Variants in ZNF100 observed in about 807,000 individuals in gnomAD.
ZNF100 encodes the protein zinc finger protein 100 (Y1).
Under a neutral mutation model 15.8 loss-of-function variants are expected in ZNF100, and 12 were observed. The observed-to-expected ratio is 0.76, with a 90% confidence interval of 0.49 to 1.23. The LOEUF is 1.23. ZNF100 is among the 50% of genes most tolerant of loss of function. The probability of loss-of-function intolerance (pLI) is 0.00; values close to 1 mark genes in which losing one functional copy is unlikely to be tolerated. For synonymous variants in ZNF100, 226 were observed against 214.8 expected, an observed-to-expected ratio of 1.05 and a Z score of -0.45; for missense variants, 670 against 635.6, an observed-to-expected ratio of 1.05 and a Z score of -0.58.
intron 3 of ZNF100, 46 bp from the exon 4 acceptor site, chr19:21,744,161 T>C (rs2036170908): frequency 5.8e-6 from 9 of 1,540,298 alleles, no homozygotes; most frequent in Non-Finnish European, 7.9e-6. Flanking sequence ...ATTCTCCAAT[T>C]ACCAACCTAG....
intron 4 of ZNF100, among the ~76,000 whole-genome samples, chr19:21,738,423 G>C (rs2145705181): frequency 6.6e-6 from 1 of 152,086 alleles, no homozygotes; most frequent in Admixed American, 6.5e-5. Flanking sequence ...ATACTACAAG[G>C]CTGTAGTAAC....
rs1202274172 is a variant in ZNF100 at position 21,725,339 on chromosome 19, TATATA to T, written c.*1339_*1343del. 1 of 152,134 alleles carries T rather than the reference TATATA, an allele frequency of 6.6e-6. No homozygotes were observed. Among genetic ancestry groups the T allele is most frequent in the Non-Finnish European group, 1.5e-5 (1 of 68,014 alleles). 9.4% of individuals were successfully genotyped at this position (152,134 alleles called of 1,614,324 possible). Reference sequence around the variant, plus strand: ...GAAATTTAAAAAATATACTGCATTTTATATAAAAGTATTAGTAAAATATACTAATT... The same window carrying T: ...GAAATTTAAAAAATATACTGCATTTTAAAGTATTAGTAAAATATACTAATT... On this transcript the variant is annotated 3_prime_UTR_variant, in exon 5 of 5. Transcript: ENST00000358296.
At chr19:21,764,480 A>G (rs1016725566) in intron 2 of ZNF100, among the ~76,000 whole-genome samples, 1 of 152,002 alleles carries the variant, frequency 6.6e-6, no homozygotes, top group Non-Finnish European at 1.5e-5. Context: ...CGCCTCTACT[A>G]AAAGTACAAA....
At chr19:21,743,917 C>T in intron 4 of ZNF100, 100 bp downstream of exon 4, 1 of 1,168,838 alleles carries the variant, frequency 8.6e-7, no homozygotes, top group South Asian at 1.8e-5. Flanking sequence ...AAACTATTTC[C>T]TTTGGAACAT....
At chr19:21,742,248 G>A (rs761335928) in intron 4 of ZNF100, among the ~76,000 whole-genome samples, 1 of 147,284 alleles carries the variant, frequency 6.8e-6, no homozygotes, top group African/African-American at 2.5e-5. Context: ...AGTGAGCCGA[G>A]ATTGCGCTAT....
chr19:21,739,609 ATCT>A (rs1419942125), intron 4 of ZNF100, among the ~76,000 whole-genome samples: 2 of 152,218 alleles, frequency 1.3e-5, no homozygotes, highest in African/African-American at 2.4e-5. Context: ...ACTGCATGGT[ATCT>A]GACCAAAACT....
chr19:21,728,928 CA>C (rs764304913), intron 4 of ZNF100, among the ~76,000 whole-genome samples: 2 of 150,488 alleles, frequency 1.3e-5, no homozygotes, highest in Non-Finnish European at 3.0e-5. Context: ...TTTAGAATAT[CA>C]AAAAAACAAA....
intron 4 of ZNF100, among the ~76,000 whole-genome samples, chr19:21,735,947 T>A (rs35646356): frequency 1.3e-5 from 2 of 151,728 alleles, no homozygotes; most frequent in Non-Finnish European, 1.5e-5. Flanking sequence ...CGCCACCACA[T>A]TCGGCTAGTA....
intron 4 of ZNF100, among the ~76,000 whole-genome samples, chr19:21,740,495 A>AAC (rs57090477): frequency 9.3e-4 from 142 of 152,186 alleles, no homozygotes; most frequent in Middle Eastern, 3.4e-3. Context: ...GAAAAAAAAA[A>AAC]CATTCAACTG....
intron 1 of ZNF100, among the ~76,000 whole-genome samples, chr19:21,766,510 CCT>C (rs530469321): frequency 1.1e-3 from 168 of 151,716 alleles, no homozygotes; most frequent in Middle Eastern, 0.01. Flanking sequence ...TGTTAATTAA[CCT>C]CTGATTACAC....
Position 21,725,710 on chromosome 19 carries a change from GAATGC to G in ZNF100, c.*968_*972del, listed in dbSNP as rs1305377296. 1 of 149,764 alleles carries G rather than the reference GAATGC, an allele frequency of 6.7e-6. No individual in the cohort carries two copies. The highest frequency in any genetic ancestry group is 2.5e-5 in the African/African-American group (1 of 40,088). 9.3% of individuals were successfully genotyped at this position (149,764 alleles called of 1,614,324 possible). A position where few individuals can be genotyped will look rare whatever the true frequency, so the allele number is the denominator to read the frequency against. On this transcript the variant is annotated 3_prime_UTR_variant, in exon 5 of 5. Coordinates refer to ENST00000358296, the MANE Select transcript of ZNF100 (RefSeq NM_173531.4). ...TTTTTCAAAAAGTTAAGCATACTTTGAATGCAATAACTGCAAAAAATTTCTACTTT... is the reference window on the plus strand; with the variant it reads ...TTTTTCAAAAAGTTAAGCATACTTTGAATAACTGCAAAAAATTTCTACTTT...
chr19:21,730,131 A>G (rs538203597), intron 4 of ZNF100, among the ~76,000 whole-genome samples: 1 of 152,188 alleles, frequency 6.6e-6, no homozygotes, highest in East Asian at 1.9e-4. Flanking sequence ...ATTTAAATAT[A>G]TATGTTTAAC....
intron 2 of ZNF100, among the ~76,000 whole-genome samples, chr19:21,756,063 T>C (rs181687353): frequency 2.0e-5 from 3 of 152,266 alleles, no homozygotes; most frequent in Admixed American, 2.0e-4. Flanking sequence ...GAAGAAATTT[T>C]TTAAAAGAGG....
At chr19:21,742,978 C>A (rs2036144323) in intron 4 of ZNF100, 1 of 152,026 alleles carries the variant, frequency 6.6e-6, no homozygotes. Context: ...GACTGTAATC[C>A]CAACACTTTG....
At chr19:21,735,566 C>T (rs1015093815) in intron 4 of ZNF100, among the ~76,000 whole-genome samples, 4 of 149,422 alleles carry the variant, frequency 2.7e-5, no homozygotes, top group Non-Finnish European at 4.4e-5. Context: ...CACTGGTGTG[C>T]TGTATTCAAG....
intron 4 of ZNF100, among the ~76,000 whole-genome samples, chr19:21,738,090 A>AT (rs2036040013): frequency 6.6e-6 from 1 of 151,820 alleles, no homozygotes; most frequent in Non-Finnish European, 1.5e-5. Context: ...ATCTCTATTA[A>AT]AAATACAAAA....
At chr19:21,753,015 G>C (rs2036335769) in intron 2 of ZNF100, 1 of 152,128 alleles carries the variant, frequency 6.6e-6, no homozygotes, top group South Asian at 2.1e-4. Context: ...TGAATGTTAG[G>C]CTTTTGATTT....
Position 21,727,056 on chromosome 19 carries a change from T to A in ZNF100, c.1256A>T (p.His419Leu). The change falls in exon 5 of 5, where the codon CAT becomes CTT. Residue 419 changes from histidine (H) to leucine (L), a missense_variant. Coordinates refer to ENST00000358296, the MANE Select transcript of ZNF100 (RefSeq NM_173531.4). ...GFNWSSALTK[H>L]KRIHTGEKPY... Reference sequence around the variant, plus strand: ...TTTCTCTCCAGTATGAATTCTCTTATGTTTAGTGAGGGCTGAGGACCAGTT... The same window carrying A: ...TTTCTCTCCAGTATGAATTCTCTTAAGTTTAGTGAGGGCTGAGGACCAGTT... 1 of 1,613,810 alleles carries A rather than the reference T, an allele frequency of 6.2e-7. No individual in the cohort carries two copies. Among genetic ancestry groups the A allele is most frequent in the Non-Finnish European group, 8.5e-7 (1 of 1,179,894 alleles).
At chr19:21,762,720 A>G (rs2036501125) in intron 2 of ZNF100, among the ~76,000 whole-genome samples, 1 of 152,158 alleles carries the variant, frequency 6.6e-6, no homozygotes, top group Non-Finnish European at 1.5e-5. Flanking sequence ...CAATAATAAT[A>G]GAGGGGGAAA....
Sources: gnomAD v4.1 joint callset for allele counts (sites outside exome capture counted in the v4.1 genomes callset) on GRCh38, gnomAD v4.1.1 for gene constraint, MANE v1.5 for transcripts, NCBI Gene and HGNC (gene_info 2026-07-23, HGNC 2026-07-21) for gene names.